AP1B1: variants seen among roughly 807,000 people sequenced by gnomAD.
The protein encoded by AP1B1 is AP-1 complex subunit beta-1.
In AP1B1, 36 loss-of-function variants were observed where a neutral mutation model predicts 104.3. That is an observed-to-expected ratio of 0.35 (90% confidence interval 0.26 to 0.46). AP1B1 has a LOEUF of 0.46. AP1B1 is among the 20% of genes least tolerant of loss of function. AP1B1 has a pLI of 1.00. For missense variants in AP1B1, 901 were observed against 1,247.9 expected (o/e 0.72, Z 4.19); for synonymous variants, 504 against 517.5 (o/e 0.97, Z 0.35).
At position 29,329,859 on chromosome 22, in the gene AP1B1, GGGCCAT is replaced by G. The variant is rs2061531000; in HGVS notation, c.2767-145_2767-140del. ...GGACCCAGGAGGGGCAGTGTCTGGA[GGGCCAT>G]GCCTGCCAGAGACTCAGGGGTGTGG... On this transcript the variant is annotated intron_variant, in intron 21 of 22. Coordinates refer to ENST00000357586, the MANE Select transcript of AP1B1 (RefSeq NM_001127.4). 1.5e-5 allele frequency: 23 copies of G among 1,501,046 alleles called. No individual in the cohort carries two copies. The South Asian group carries it at 3.1e-4, about 20-fold the overall frequency. The allele number at this position is 1,501,046 out of a possible 1,614,324, so 93.0% of individuals were successfully genotyped here.
intron 1 of AP1B1, among the ~76,000 whole-genome samples, chr22:29,377,812 A>G (rs76557586): frequency 6.9e-6 from 1 of 145,230 alleles, no homozygotes; most frequent in Non-Finnish European, 1.5e-5. Flanking sequence ...CTCTGTCTCA[A>G]AAAAAAAAAA....
rs1311479542 is a variant in AP1B1, at chr22:29,341,622, G to A, written c.1675C>T (p.Leu559=). Residue 559 remains leucine, a synonymous_variant, in exon 13 of 23, where the codon CTG becomes TTG. Transcript: ENST00000357586. ...SEETDLIEPT[L]LDELICYIGT... ...ATGTAGCAGATAAGCTCGTCTAACA[G>A]TGTGGGCTCGATGAGGTCCGTCTCT... 1.2e-6 allele frequency: 2 copies of A among 1,614,246 alleles called. No homozygotes were observed. Among genetic ancestry groups the A allele is most frequent in the Non-Finnish European group, 1.7e-6 (2 of 1,180,032 alleles).
chr22:29,380,683 T>A (rs902918503), intron 1 of AP1B1, among the ~76,000 whole-genome samples: 2 of 152,100 alleles, frequency 1.3e-5, no homozygotes, highest in Non-Finnish European at 2.9e-5. Context: ...GAATCTAGAA[T>A]CCATGAGCAG....
chr22:29,378,656 G>A (rs1297194033), intron 1 of AP1B1, among the ~76,000 whole-genome samples: 5 of 148,956 alleles, frequency 3.4e-5, no homozygotes. Flanking sequence ...TCAGGAAATC[G>A]AGACCATCCT....
At chr22:29,338,240 C>T (rs1022788652) in intron 16 of AP1B1, among the ~76,000 whole-genome samples, 21 of 152,240 alleles carry the variant, frequency 1.4e-4, no homozygotes, top group African/African-American at 4.3e-4. Context: ...TCCAGGAACA[C>T]AATTCTCAGG....
intron 2 of AP1B1, among the ~76,000 whole-genome samples, chr22:29,366,978 T>C (rs1189436330): frequency 6.6e-6 from 1 of 152,086 alleles, no homozygotes; most frequent in Non-Finnish European, 1.5e-5. Context: ...GCACTTTTTT[T>C]CCCCACACTT....
At chr22:29,369,624 G>GC (rs2062199123) in intron 1 of AP1B1, among the ~76,000 whole-genome samples, 1 of 152,162 alleles carries the variant, frequency 6.6e-6, no homozygotes, top group African/African-American at 2.4e-5. Context: ...ACAAAGGAAG[G>GC]CCCCGCATGC....
chr22:29,384,823 G>A (rs11705446), intron 1 of AP1B1, among the ~76,000 whole-genome samples: 24,976 of 151,914 alleles, frequency 0.16, 2,310 homozygotes, highest in Non-Finnish European at 0.21. Flanking sequence ...AGCCAAGATC[G>A]CGCCACTGCA....
intron 10 of AP1B1, among the ~76,000 whole-genome samples, chr22:29,349,820 G>GA (rs2061846303): frequency 6.6e-6 from 1 of 152,154 alleles, no homozygotes; most frequent in Admixed American, 6.5e-5. Context: ...CTGGCCTGGG[G>GA]ATCTGAGTTT....
chr22:29,349,897 A>G (rs2061847802), intron 10 of AP1B1, 138 bp downstream of exon 10: 1 of 732,612 alleles, frequency 1.4e-6, no homozygotes, highest in Non-Finnish European at 2.3e-6. Context: ...GACGAAATAA[A>G]AAACAAAGGG....
At chr22:29,366,815 C>T (rs2148020769) in intron 2 of AP1B1, among the ~76,000 whole-genome samples, 1 of 145,552 alleles carries the variant, frequency 6.9e-6, no homozygotes, top group East Asian at 2.0e-4. Flanking sequence ...AAAAGAAAAA[C>T]ACGTGCCCTT....
chr22:29,385,460 T>C (rs1363224588), intron 1 of AP1B1, among the ~76,000 whole-genome samples: 2 of 151,744 alleles, frequency 1.3e-5, no homozygotes, highest in Non-Finnish European at 1.5e-5. Context: ...AAAAGGTGAG[T>C]GTGGAGCAGG....
chr22:29,371,314 A>G (rs1417751708), intron 1 of AP1B1, among the ~76,000 whole-genome samples: 1 of 152,222 alleles, frequency 6.6e-6, no homozygotes. Context: ...GCCATGAGAA[A>G]GACTGGTGTT....
intron 1 of AP1B1, among the ~76,000 whole-genome samples, chr22:29,381,257 G>C (rs2062431849): frequency 6.6e-6 from 1 of 151,808 alleles, no homozygotes; most frequent in African/African-American, 2.4e-5. Flanking sequence ...AACCCTCTTT[G>C]CCCTTTTTCC....
chr22:29,361,669 A>C (rs1376868142), intron 3 of AP1B1, among the ~76,000 whole-genome samples: 12 of 152,190 alleles, frequency 7.9e-5, no homozygotes, highest in Non-Finnish European at 1.3e-4. Flanking sequence ...GCAGGTAAAC[A>C]CAAGTACACA....
intron 19 of AP1B1, among the ~76,000 whole-genome samples, chr22:29,331,036 G>A (rs1432759354): frequency 1.3e-5 from 2 of 152,344 alleles, no homozygotes; most frequent in African/African-American, 4.8e-5. Context: ...AGCAAGAGAT[G>A]ACATGGGCCA....
At position 29,329,730 on chromosome 22, in the gene AP1B1, G is replaced by A. The variant is rs1254376664; in HGVS notation, c.2767-10C>T. The A allele has an allele frequency of 2.5e-6, 4 of 1,613,546 alleles. No individual in the cohort carries two copies. The highest frequency in any genetic ancestry group is 1.7e-5 in the Admixed American group (1 of 59,952). On this transcript the variant is annotated splice_polypyrimidine_tract_variant and intron_variant, in intron 21 of 22. Transcript: ENST00000357586. The stretch of plus-strand genomic sequence containing the variant: ...TGCTAACCTCTAAGTCCTGCACCAC[G>A]GGAACCAGCAGGGAAGGTGACATGC...
rs918918391 is a variant in AP1B1, at chr22:29,362,027, C to T, written c.143+974G>A. Among the ~76,000 whole-genome samples, 8 of 152,056 alleles carry T rather than the reference C, an allele frequency of 5.3e-5. No individual in the cohort carries two copies. The East Asian group carries it at 5.8e-4, about 11-fold the overall frequency. On this transcript the variant is annotated intron_variant, in intron 3 of 22. Transcript: ENST00000357586. ...CAGGCTGGTCTTGAACTCCTGACCT[C>T]GTGATCCACCCGCCTCGGCCTCCCA... is the stretch of plus-strand genomic sequence containing the variant.
At chr22:29,364,082 C>G (rs1209353526) in intron 2 of AP1B1, among the ~76,000 whole-genome samples, 1 of 152,218 alleles carries the variant, frequency 6.6e-6, no homozygotes, top group Non-Finnish European at 1.5e-5. Context: ...CCTTAAAAGG[C>G]TCAGTGCAAT....
Sources: allele counts gnomAD v4.1 joint callset (sites outside exome capture counted in the v4.1 genomes callset), GRCh38; gene constraint gnomAD v4.1.1; transcripts MANE v1.5; gene names NCBI Gene and HGNC (gene_info 2026-07-23, HGNC 2026-07-21).